Variants in SLC28A1 observed in about 807,000 individuals in gnomAD.
The protein encoded by SLC28A1 is sodium/nucleoside cotransporter 1.
A neutral mutation model predicts 74.8 loss-of-function variants in SLC28A1; 64 were observed. That is an observed-to-expected ratio of 0.86 (90% CI 0.70 to 1.05). SLC28A1 has a LOEUF of 1.05. Among genes scored for constraint, SLC28A1 ranks in the 50% least tolerant of loss-of-function variants. The pLI is 0.00. For synonymous variants in SLC28A1, 359 were observed against 335.0 expected, an observed-to-expected ratio of 1.07 and a Z score of -0.78; for missense variants, 828 against 822.8, an observed-to-expected ratio of 1.01 and a Z score of -0.08.
At chr15:84,927,700 G>A (rs1173374452) in intron 12 of SLC28A1, among the ~76,000 whole-genome samples, 1 of 152,190 alleles carries the variant, frequency 6.6e-6, no homozygotes, top group African/African-American at 2.4e-5. Context: ...GCCCTGCCTT[G>A]GAGAAGGGGA....
At chr15:84,934,108 C>T (rs1181340575) in intron 13 of SLC28A1, among the ~76,000 whole-genome samples, 2 of 152,246 alleles carry the variant, frequency 1.3e-5, no homozygotes, top group African/African-American at 4.8e-5. Context: ...AAGGCCCCAC[C>T]TGTCAATACT....
chr15:84,961,392 T>A, the SLC28A1 span: 20 of 373,166 alleles, frequency 5.4e-5, no homozygotes, highest in African/African-American at 3.9e-4. Context: ...GGTACAGTGA[T>A]ATAATCATGG....
intron 12 of SLC28A1, among the ~76,000 whole-genome samples, chr15:84,932,652 G>A (rs1208599068): frequency 6.6e-6 from 1 of 152,192 alleles, no homozygotes; most frequent in Non-Finnish European, 1.5e-5. Flanking sequence ...AATTGGTTTA[G>A]CTCTTAAATC....
the SLC28A1 span, among the ~76,000 whole-genome samples, chr15:84,968,459 G>A: frequency 6.6e-6 from 1 of 152,224 alleles, no homozygotes; most frequent in Non-Finnish European, 1.5e-5. Context: ...CCTCTCCTTA[G>A]AGCTGCTTAA....
At chr15:84,895,764 A>T (rs899417521) in intron 6 of SLC28A1, 4 of 1,223,298 alleles carry the variant, frequency 3.3e-6, no homozygotes, top group South Asian at 3.9e-5. Flanking sequence ...TGGGGGAAAA[A>T]AACAGTTTCT....
chr15:84,941,354 C>T (rs1304544784), intron 15 of SLC28A1, among the ~76,000 whole-genome samples: 18 of 151,920 alleles, frequency 1.2e-4, no homozygotes, highest in South Asian at 4.2e-4. Flanking sequence ...TACAGGCACC[C>T]GCCACTGTGC....
intron 16 of SLC28A1, among the ~76,000 whole-genome samples, chr15:84,943,916 A>G (rs1973003594): frequency 6.6e-6 from 1 of 151,812 alleles, no homozygotes; most frequent in Non-Finnish European, 1.5e-5. Flanking sequence ...AAAAAAAAAA[A>G]GAAAAAAGAA....
At chr15:84,966,967 TGGG>T in the SLC28A1 span, among the ~76,000 whole-genome samples, 2 of 151,724 alleles carry the variant, frequency 1.3e-5, no homozygotes, top group Admixed American at 1.3e-4. Context: ...TTTTAAGAGA[TGGG>T]GGGTCTTGCT....
chr15:84,908,605 G>C, intron 8 of SLC28A1, 113 bp from the exon 9 acceptor site: 1 of 843,030 alleles, frequency 1.2e-6, no homozygotes. Flanking sequence ...CCGGATAAGG[G>C]CCTGGGGGGA....
rs1226451335 is a variant in SLC28A1 at position 84,920,980 on chromosome 15, T to G, written c.877-9T>G. On this transcript the variant is annotated splice_polypyrimidine_tract_variant and intron_variant, in intron 10 of 18. Coordinates refer to ENST00000394573, the MANE Select transcript of SLC28A1 (RefSeq NM_004213.5). The stretch of plus-strand genomic sequence containing the variant: ...GTCAGCCCACAAAGAACATTCTGCT[T>G]CCTTCTAGATTGCCTGGCTGATGCA... 6.2e-7 allele frequency: 1 copy of G among 1,611,920 alleles called. No homozygotes were observed. Among genetic ancestry groups the G allele is most frequent in the Admixed American group, 1.7e-5 (1 of 60,010 alleles).
In SLC28A1 at chr15:84,888,861, G is replaced by GTA. The variant is rs1311942684; in HGVS notation, c.185+2_185+3dup. ...CGGCGCCGAAGCCCTTCTCCAGATG[G>GTA]TAGGTGATCTCTGGAGAGACAAGGG... On this transcript the variant is annotated splice_donor_variant, in intron 4 of 18. Transcript: ENST00000394573. LOFTEE classifies it high-confidence loss of function. 1.3e-6 allele frequency: 2 copies of GTA among 1,547,954 alleles called. No individual in the cohort carries two copies. Among genetic ancestry groups the GTA allele is most frequent in the African/African-American group, 2.7e-5 (2 of 73,000 alleles).
At chr15:84,975,505 G>A in the SLC28A1 span, 10 of 456,208 alleles carry the variant, frequency 2.2e-5, no homozygotes, top group African/African-American at 1.6e-4. Flanking sequence ...TTGCTCTTAG[G>A]ATATTCAAAA....
chr15:84,945,185 G>C lies in SLC28A1; in HGVS notation c.1935G>C (p.Thr645=), dbSNP rs1010581813. The change falls in exon 19 of 19, where the codon ACG becomes ACC. Residue 645 remains threonine (T), a synonymous_variant. Transcript: ENST00000394573. ...LDNCCRFYNH[T]ICAQ Reference sequence around the variant, plus strand: ...ACTGCTGTCGGTTTTACAACCACACGATCTGTGCACAGTGAGGACAGAACA... The same window carrying C: ...ACTGCTGTCGGTTTTACAACCACACCATCTGTGCACAGTGAGGACAGAACA... 14 of 1,613,952 alleles carry C rather than the reference G, an allele frequency of 8.7e-6. No individual in the cohort carries two copies. The highest frequency in any genetic ancestry group is 1.6e-4 in the Middle Eastern group (1 of 6,062).
intron 8 of SLC28A1, among the ~76,000 whole-genome samples, chr15:84,906,068 G>A (rs1967062085): frequency 6.8e-6 from 1 of 146,822 alleles, no homozygotes; most frequent in Admixed American, 6.8e-5. Flanking sequence ...CACCCAGGCT[G>A]GAGTGCAGTG....
chr15:84,918,487 C>T (rs907450312), intron 9 of SLC28A1, 37 bp from the exon 10 acceptor site: 4 of 1,560,206 alleles, frequency 2.6e-6, no homozygotes, highest in Admixed American at 1.7e-5. Flanking sequence ...ATCCTGCCTG[C>T]CTCTAACCTG....
rs1431132148 is a variant in SLC28A1 at position 84,944,651 on chromosome 15, C to T, written c.1749C>T (p.Asn583=). 9.3e-6 allele frequency: 15 copies of T among 1,613,428 alleles called. No individual in the cohort carries two copies. The highest frequency in any genetic ancestry group is 2.2e-5 in the East Asian group (1 of 44,860). The change falls in exon 17 of 19, where the codon AAC becomes AAT. Residue 583 remains asparagine (N), a synonymous_variant. Coordinates refer to ENST00000394573, the MANE Select transcript of SLC28A1 (RefSeq NM_004213.5). The stretch of plus-strand genomic sequence containing the variant: ...CGGGAGCCTGTGTGTCCCTGGTGAA[C>T]GCCTGTATGGCAGGTGAGTGCAGGC... ...LFTGACVSLV[N]ACMAGILYMP... is the part of the protein sequence containing the mutation.
chr15:84,953,319 A>G, the SLC28A1 span, among the ~76,000 whole-genome samples: 1 of 152,202 alleles, frequency 6.6e-6, no homozygotes, highest in Non-Finnish European at 1.5e-5. Context: ...AACTCGGTGA[A>G]TCATCTTCAA....
chr15:84,961,781 A>G, the SLC28A1 span, among the ~76,000 whole-genome samples: 1,682 of 152,318 alleles, frequency 0.011, 18 homozygotes, highest in South Asian at 0.023. Context: ...AGCTCATGCC[A>G]GGTAAAGTCA....
In SLC28A1 at chr15:84,935,471, C is replaced by T; in HGVS notation, c.1534C>T (p.Leu512=). The change falls in exon 15 of 19, where the codon CTG becomes TTG. Residue 512 remains leucine (L), a synonymous_variant. Coordinates refer to ENST00000394573, the MANE Select transcript of SLC28A1 (RefSeq NM_004213.5). ...CCTCTCCAAGTACAAGCAACGCCGC[C>T]TGGCAGGGGCCGAGGAGTGGGTCGG... The part of the protein sequence containing the change: ...QDLSKYKQRR[L]AGAEEWVGDR... 6.2e-7 allele frequency: 1 copy of T among 1,614,190 alleles called. No individual in the cohort carries two copies. The highest frequency in any genetic ancestry group is 1.1e-5 in the South Asian group (1 of 91,092).
Sources: allele counts gnomAD v4.1 joint callset (sites outside exome capture counted in the v4.1 genomes callset), GRCh38; gene constraint gnomAD v4.1.1; transcripts MANE v1.5; gene names NCBI Gene and HGNC (gene_info 2026-07-23, HGNC 2026-07-21).